The following MAJIN variants were observed in gnomAD, a reference collection of about 807,000 sequenced individuals.
The protein encoded by MAJIN is membrane-anchored junction protein.
A neutral mutation model predicts 30.2 loss-of-function variants in MAJIN; 27 were observed. That is an observed-to-expected ratio of 0.89 (90% CI 0.66 to 1.23). MAJIN has a LOEUF of 1.23. Ranked by LOEUF, MAJIN falls within the 50% of genes most tolerant of loss-of-function variation. MAJIN has a pLI of 0.00. For synonymous variants in MAJIN, 78 were observed against 91.6 expected (o/e 0.85, Z 0.85); for missense variants, 253 against 260.3 (o/e 0.97, Z 0.19).
intron 7 of MAJIN, 96 bp from the exon 8 acceptor site, chr11:64,947,561 C>T: frequency 7.8e-7 from 1 of 1,287,328 alleles, no homozygotes; most frequent in Admixed American, 1.9e-5. Flanking sequence ...CTTAAACTGC[C>T]AAAGGCAACT....
chr11:64,954,402 C>A (rs562513948), intron 4 of MAJIN: 88 of 401,158 alleles, frequency 2.2e-4, no homozygotes, highest in Admixed American at 3.9e-4. Flanking sequence ...ACGTCAAGTA[C>A]CAGGCAGTGG....
intron 1 of MAJIN, among the ~76,000 whole-genome samples, chr11:64,970,430 G>A (rs187217446): frequency 0.033 from 4,467 of 134,738 alleles, 120 homozygotes; most frequent in Non-Finnish European, 0.053. Context: ...GCAATGGTGC[G>A]ATCTTGGCTC....
At chr11:64,956,550 C>T (rs1024091044) in intron 3 of MAJIN, among the ~76,000 whole-genome samples, 4 of 151,858 alleles carry the variant, frequency 2.6e-5, no homozygotes, top group Non-Finnish European at 4.4e-5. Flanking sequence ...ACAACAAAGA[C>T]CAGTGGATTT....
intron 1 of MAJIN, among the ~76,000 whole-genome samples, chr11:64,966,376 A>C (rs1945810065): frequency 6.6e-6 from 1 of 151,450 alleles, no homozygotes; most frequent in Admixed American, 6.6e-5. Flanking sequence ...CTCTACTAAA[A>C]ATACAAAAAT....
chr11:64,940,823 C>CT (rs67006421), intron 8 of MAJIN, among the ~76,000 whole-genome samples, 177 bp from the exon 9 acceptor site: 77,096 of 127,230 alleles, frequency 0.61, 23,540 homozygotes, highest in Non-Finnish European at 0.69. Flanking sequence ...TTTTTCTTTT[C>CT]TTTTTTTCTT....
intron 1 of MAJIN, among the ~76,000 whole-genome samples, chr11:64,969,637 C>T (rs868402852): frequency 3.3e-5 from 5 of 151,808 alleles, no homozygotes; most frequent in South Asian, 2.1e-4. Flanking sequence ...GTGAAGATGA[C>T]AAAAGGTGAA....
chr11:64,966,837 G>A (rs1035396813), intron 1 of MAJIN, among the ~76,000 whole-genome samples: 9 of 151,724 alleles, frequency 5.9e-5, no homozygotes, highest in Admixed American at 5.9e-4. Flanking sequence ...AGGGGGCTGA[G>A]GCAGGAGAAT....
intron 2 of MAJIN, 136 bp downstream of exon 2, chr11:64,959,953 A>G (rs562173066): frequency 6.5e-6 from 1 of 153,150 alleles, no homozygotes; most frequent in East Asian, 1.9e-4. Flanking sequence ...AATGTAGCAA[A>G]TAAGGATGTA....
At chr11:64,947,566 G>C (rs1371892134) in intron 7 of MAJIN, 101 bp from the exon 8 acceptor site, 1 of 1,258,794 alleles carries the variant, frequency 7.9e-7, no homozygotes, top group Non-Finnish European at 1.1e-6. Context: ...ACTGCCAAAG[G>C]CAACTTTTAA....
intron 6 of MAJIN, 110 bp from the exon 7 acceptor site, chr11:64,947,929 G>C (rs1945476827): frequency 1.0e-6 from 1 of 969,034 alleles, no homozygotes. Context: ...GTGCGATCTC[G>C]GCTCACTGCA....
rs951834095 is a variant in MAJIN, at chr11:64,972,087, C to G, written c.-275G>C. The G allele has an allele frequency of 1.2e-4, 19 of 152,356 alleles. No homozygotes were observed. Among genetic ancestry groups the G allele is most frequent in the African/African-American group, 3.8e-4 (16 of 41,592 alleles). The allele number at this position is 152,356 out of a possible 1,614,324, so 9.4% of individuals were successfully genotyped here. A position where few individuals can be genotyped will look rare whatever the true frequency, so the allele number is the denominator to read the frequency against. On this transcript the variant is annotated 5_prime_UTR_variant, in exon 1 of 11. Coordinates refer to ENST00000301896, the MANE Select transcript of MAJIN (RefSeq NM_001037225.3). ...GGGCTCGTGCCGCGCACCCACCAGG[C>G]CTTCTGCGCACGCGCAAGTGCGCTT...
chr11:64,939,569 T>G, intron 10 of MAJIN, 93 bp downstream of exon 10: 1 of 1,129,460 alleles, frequency 8.9e-7, no homozygotes, highest in African/African-American at 1.6e-5. Flanking sequence ...CTGTAAGTAA[T>G]CTGCTTTCTT....
intron 1 of MAJIN, among the ~76,000 whole-genome samples, chr11:64,969,109 A>T (rs1184392244): frequency 1.3e-5 from 2 of 152,198 alleles, no homozygotes; most frequent in African/African-American, 4.8e-5. Flanking sequence ...GCAATTAGGT[A>T]GACAATGGTA....
rs192599400 is a variant in MAJIN at position 64,949,089 on chromosome 11, G to A, written c.349+654C>T. ...TGTAATCCCAGTGTTTTGGGAGGCC[G>A]AGGTGGGAGGATCGCTTGAGCCCAG... On this transcript the variant is annotated intron_variant, in intron 6 of 10. Transcript: ENST00000301896. 7.3e-5 allele frequency among the ~76,000 whole-genome samples: 11 copies of A among 151,030 alleles called. No homozygotes were observed. In the East Asian group the frequency reaches 1.6e-3, roughly 22 times the overall value.
At chr11:64,944,818 C>A (rs1945426750) in intron 8 of MAJIN, among the ~76,000 whole-genome samples, 1 of 152,112 alleles carries the variant, frequency 6.6e-6, no homozygotes, top group African/African-American at 2.4e-5. Flanking sequence ...AAGGAAGGAT[C>A]TTTAAGGCAT....
At chr11:64,947,636 C>T (rs968786523) in intron 7 of MAJIN, 152 bp downstream of exon 7, 3 of 1,018,346 alleles carry the variant, frequency 2.9e-6, no homozygotes, top group Non-Finnish European at 4.5e-6. Context: ...GAAATCTAGC[C>T]AAGGGGGAAA....
At chr11:64,953,611 T>C (rs975462555) in intron 4 of MAJIN, among the ~76,000 whole-genome samples, 2 of 152,140 alleles carry the variant, frequency 1.3e-5, no homozygotes, top group Non-Finnish European at 2.9e-5. Context: ...GCCAACATGA[T>C]GAAACCCCGT....
At chr11:64,962,616 T>C (rs1945745127) in intron 1 of MAJIN, among the ~76,000 whole-genome samples, 1 of 152,228 alleles carries the variant, frequency 6.6e-6, no homozygotes, top group South Asian at 2.1e-4. Context: ...GCTTGAGTCC[T>C]GCTTCTGCCT....
intron 3 of MAJIN, 151 bp from the exon 4 acceptor site, chr11:64,954,953 A>G (rs970237870): frequency 1.0e-5 from 7 of 698,578 alleles, no homozygotes; most frequent in Non-Finnish European, 1.4e-5. Flanking sequence ...CATGGGGAAG[A>G]AGTGATCACC....
Sources: allele counts gnomAD v4.1 joint callset (sites outside exome capture counted in the v4.1 genomes callset), GRCh38; gene constraint gnomAD v4.1.1; transcripts MANE v1.5; gene names NCBI Gene and HGNC (gene_info 2026-07-23, HGNC 2026-07-21).